COL27A1: variants seen among roughly 807,000 people sequenced by gnomAD.
The protein encoded by COL27A1 is collagen alpha-1(XXVII) chain.
A neutral mutation model predicts 251.3 loss-of-function variants in COL27A1; 106 were observed. That is an observed-to-expected ratio of 0.42 (90% CI 0.36 to 0.50). COL27A1 has a LOEUF of 0.50. COL27A1 is among the 20% of genes least tolerant of loss of function. COL27A1 has a pLI of 0.00. For missense variants in COL27A1, 2,325 were observed against 2,522.8 expected (o/e 0.92, Z 1.68); for synonymous variants, 1,000 against 986.3 (o/e 1.01, Z -0.26).
chr9:114,288,823 C>A, intron 43 of COL27A1, 68 bp downstream of exon 43: 1 of 1,603,418 alleles, frequency 6.2e-7, no homozygotes. Flanking sequence ...TGACACATGT[C>A]TAGAAAGAAC....
chr9:114,269,206 C>T lies in COL27A1; in HGVS notation c.3502-35C>T, dbSNP rs765326591. On this transcript the variant is annotated intron_variant, in intron 34 of 60. Coordinates refer to ENST00000356083, the MANE Select transcript of COL27A1 (RefSeq NM_032888.4). The stretch of plus-strand genomic sequence containing the variant: ...GTGTCGAGAGCTGGGGCTGGCCCTA[C>T]CCACCCGCAAGGACTTTTGTTCGGC... 4 of 1,540,914 alleles carry T rather than the reference C, an allele frequency of 2.6e-6. No homozygotes were observed. The African/African-American group carries it at 4.1e-5, about 16-fold the overall frequency.
At chr9:114,283,394 A>T (rs1291171668) in intron 39 of COL27A1, among the ~76,000 whole-genome samples, 1 of 152,234 alleles carries the variant, frequency 6.6e-6, no homozygotes, top group Admixed American at 6.5e-5. Context: ...TAATAACATT[A>T]ATTTAACTGT....
At chr9:114,218,992 G>A (rs1005192106) in intron 12 of COL27A1, among the ~76,000 whole-genome samples, 1 of 151,042 alleles carries the variant, frequency 6.6e-6, no homozygotes, top group East Asian at 1.9e-4. Context: ...GAAAAACAAT[G>A]ATTTGAATTC....
intron 1 of COL27A1, among the ~76,000 whole-genome samples, chr9:114,159,802 T>C (rs1848368078): frequency 6.6e-6 from 1 of 152,214 alleles, no homozygotes; most frequent in Admixed American, 6.5e-5. Flanking sequence ...TTGCCCAGGA[T>C]GGAAGTACCT....
At chr9:114,239,971 T>A (rs1311520379) in intron 19 of COL27A1, among the ~76,000 whole-genome samples, 1 of 152,184 alleles carries the variant, frequency 6.6e-6, no homozygotes, top group African/African-American at 2.4e-5. Flanking sequence ...TGACCTTCCA[T>A]GTTACAACCT....
chr9:114,235,334 G>A (rs1832296902), intron 16 of COL27A1, among the ~76,000 whole-genome samples: 1 of 152,186 alleles, frequency 6.6e-6, no homozygotes, highest in African/African-American at 2.4e-5. Flanking sequence ...GTTGACACTG[G>A]GCAGTGGGCA....
chr9:114,191,469 G>A (rs950797399), intron 5 of COL27A1, among the ~76,000 whole-genome samples: 7 of 152,002 alleles, frequency 4.6e-5, no homozygotes, highest in Non-Finnish European at 8.8e-5. Context: ...ATCCCAGTGC[G>A]TCCATGTGTT....
chr9:114,195,830 C>T (rs771672609), intron 6 of COL27A1, 129 bp from the exon 7 acceptor site: 4 of 770,180 alleles, frequency 5.2e-6, no homozygotes, highest in Non-Finnish European at 9.1e-6. Flanking sequence ...TCCTCTGAGG[C>T]CTCTACTTCT....
chr9:114,289,106 G>T (rs1827722142), intron 44 of COL27A1, 136 bp from the exon 45 acceptor site: 2 of 1,385,862 alleles, frequency 1.4e-6, no homozygotes, highest in East Asian at 5.0e-5. Context: ...TGTTTCTCCT[G>T]CCCTGACCCT....
At chr9:114,169,591 TC>T (rs1394513892) in intron 3 of COL27A1, 128 bp downstream of exon 3, 1 of 672,634 alleles carries the variant, frequency 1.5e-6, no homozygotes, top group African/African-American at 1.8e-5. Context: ...TATGGGTACA[TC>T]CTTGGCTCCA....
chr9:114,264,452 G>A, intron 29 of COL27A1, 44 bp downstream of exon 29: 1 of 1,449,030 alleles, frequency 6.9e-7, no homozygotes. Flanking sequence ...CTCCGACACT[G>A]GGTCAGGAAT....
intron 21 of COL27A1, among the ~76,000 whole-genome samples, chr9:114,241,255 G>A (rs572227879): frequency 2.2e-4 from 34 of 152,266 alleles, no homozygotes; most frequent in Non-Finnish European, 3.4e-4. Context: ...CCAGGCCCCC[G>A]TGACACACAG....
chr9:114,300,311 A>C, intron 50 of COL27A1, 188 bp downstream of exon 50: 2 of 631,528 alleles, frequency 3.2e-6, no homozygotes, highest in Non-Finnish European at 5.5e-6. Context: ...CTACACAATT[A>C]CCTGCTCTGT....
chr9:114,191,873 A>G (rs913465204), intron 5 of COL27A1, among the ~76,000 whole-genome samples: 1 of 152,002 alleles, frequency 6.6e-6, no homozygotes, highest in Admixed American at 6.5e-5. Context: ...GATTTGGAGG[A>G]TTAAATGAGT....
At chr9:114,288,382 C>T (rs1175915240) in intron 41 of COL27A1, 73 bp from the exon 42 acceptor site, 22 of 1,482,684 alleles carry the variant, frequency 1.5e-5, no homozygotes, top group Admixed American at 1.9e-5. Flanking sequence ...TCTGACGAAG[C>T]GCTTTCCGTC....
At chr9:114,175,275 C>T (rs2135127264) in intron 3 of COL27A1, among the ~76,000 whole-genome samples, 1 of 152,370 alleles carries the variant, frequency 6.6e-6, no homozygotes, top group South Asian at 2.1e-4. Flanking sequence ...CTCTCAGAGG[C>T]CCCGTTGTTT....
chr9:114,275,781 G>T lies in COL27A1; in HGVS notation c.3717+13G>T, dbSNP rs1588849828. ...CACTGGTGTCCGGGTGAGTGTGCAG[G>T]CCCCTTGCAGCGCCTGGAGCTCTGG... On this transcript the variant is annotated intron_variant, in intron 37 of 60. Coordinates refer to ENST00000356083, the MANE Select transcript of COL27A1 (RefSeq NM_032888.4). 6.6e-7 allele frequency: 1 copy of T among 1,503,900 alleles called. No homozygotes were observed. 93.2% of individuals were successfully genotyped at this position (1,503,900 alleles called of 1,614,324 possible).
At chr9:114,235,204 T>C (rs1832287523) in intron 16 of COL27A1, among the ~76,000 whole-genome samples, 2 of 152,054 alleles carry the variant, frequency 1.3e-5, no homozygotes, top group Non-Finnish European at 2.9e-5. Context: ...CGAAACCACG[T>C]TGGTGTGGGG....
rs752977846 is a variant in COL27A1 at position 114,211,051 on chromosome 9, G to A, written c.2367+25G>A. 33 of 1,613,160 alleles carry A rather than the reference G, an allele frequency of 2.0e-5. No individual in the cohort carries two copies. The East Asian group carries it at 3.1e-4, about 15-fold the overall frequency. ...GGTAAAGATTTTCCGTGTCTATTAC[G>A]CAGACTCTAGCGGGGAACCCCACCT... On this transcript the variant is annotated intron_variant, in intron 12 of 60. Transcript: ENST00000356083.
Sources: gnomAD v4.1 joint callset for allele counts (sites outside exome capture counted in the v4.1 genomes callset) on GRCh38, gnomAD v4.1.1 for gene constraint, MANE v1.5 for transcripts, NCBI Gene and HGNC (gene_info 2026-07-23, HGNC 2026-07-21) for gene names.